Variants in LTBP1 observed in about 807,000 individuals in gnomAD.
LTBP1 encodes latent-transforming growth factor beta-binding protein 1.
In LTBP1, 129 loss-of-function variants were observed where a neutral mutation model predicts 207.6. That is an observed-to-expected ratio of 0.62 (90% CI 0.54 to 0.72). The LOEUF is 0.72. Ranked by LOEUF, LTBP1 falls within the 30% of genes least tolerant of loss-of-function variation. The pLI, the probability that LTBP1 is intolerant of heterozygous loss-of-function variation, is 0.00. For missense variants in LTBP1, 2,281 were observed against 2,217.2 expected (o/e 1.03, Z -0.58); for synonymous variants, 963 against 833.7 (o/e 1.16, Z -2.67).
At chr2:33,135,541 G>C (rs540930764) in intron 5 of LTBP1, among the ~76,000 whole-genome samples, 1 of 149,258 alleles carries the variant, frequency 6.7e-6, no homozygotes, top group South Asian at 2.2e-4. Flanking sequence ...GGGGAAGACA[G>C]ACTGGTAGAT....
At chr2:33,160,489 C>T (rs1439521962) in intron 5 of LTBP1, among the ~76,000 whole-genome samples, 2 of 152,158 alleles carry the variant, frequency 1.3e-5, no homozygotes, top group Admixed American at 6.5e-5. Context: ...GTTTGGTTTC[C>T]TCTGGCTAGC....
At chr2:33,038,975 T>G (rs1201524323) in intron 3 of LTBP1, among the ~76,000 whole-genome samples, 1 of 152,240 alleles carries the variant, frequency 6.6e-6, no homozygotes, top group African/African-American at 2.4e-5. Flanking sequence ...CGCTCAGGGC[T>G]CTGCCTCCAG....
At chr2:33,282,718 T>C (rs1372640721) in intron 19 of LTBP1, among the ~76,000 whole-genome samples, 1 of 152,222 alleles carries the variant, frequency 6.6e-6, no homozygotes, top group African/African-American at 2.4e-5. Context: ...ATTTAACAAA[T>C]ACTGAGTGTC....
rs1015657669 is a variant in LTBP1 at position 33,032,340 on chromosome 2, C to G, written c.863+11134C>G. Among the ~76,000 whole-genome samples the G allele has an allele frequency of 3.9e-5, 6 of 152,264 alleles. No homozygotes were observed. The East Asian group carries it at 7.7e-4, about 20-fold the overall frequency. On this transcript the variant is annotated intron_variant, in intron 3 of 33. Transcript: ENST00000404816. Reference sequence around the variant, plus strand: ...ATAATCAAGGTCTTTTTTCCTGTTTCAAATGTTCAAGAGTTTTCTACCTTT... The same window carrying G: ...ATAATCAAGGTCTTTTTTCCTGTTTGAAATGTTCAAGAGTTTTCTACCTTT...
intron 12 of LTBP1, 34 bp from the exon 13 acceptor site, chr2:33,259,554 T>C (rs1257158627): frequency 5.3e-6 from 8 of 1,515,132 alleles, no homozygotes; most frequent in African/African-American, 2.8e-5. Context: ...TTGTCTTAAA[T>C]GGTACTAATA....
chr2:32,952,424 A>G (rs940259334), intron 2 of LTBP1, among the ~76,000 whole-genome samples: 1 of 152,220 alleles, frequency 6.6e-6, no homozygotes, highest in Non-Finnish European at 1.5e-5. Flanking sequence ...ATCCCTAGGA[A>G]TCGAAATTAT....
Position 32,952,796 on chromosome 2 carries a change from A to G in LTBP1, c.565+3851A>G, listed in dbSNP as rs550627765. Among the ~76,000 whole-genome samples the G allele has an allele frequency of 5.3e-5, 8 of 152,324 alleles. No homozygotes were observed. The South Asian group carries it at 1.0e-3, about 20-fold the overall frequency. On this transcript the variant is annotated intron_variant, in intron 2 of 33. Coordinates refer to ENST00000404816, the MANE Select transcript of LTBP1 (RefSeq NM_206943.4). ...AGAAGACTGGACACGGGAATAGGCAATACAAAAGAATGAAAGAGAGGAGAG... is the reference window on the plus strand; with the variant it reads ...AGAAGACTGGACACGGGAATAGGCAGTACAAAAGAATGAAAGAGAGGAGAG...
chr2:32,974,047 T>A (rs1034289896), intron 2 of LTBP1, among the ~76,000 whole-genome samples: 7 of 152,252 alleles, frequency 4.6e-5, no homozygotes, highest in Non-Finnish European at 8.8e-5. Flanking sequence ...TTGTAAATAG[T>A]GCTGCTTCAA....
At chr2:33,043,684 G>A (rs932821619) in intron 3 of LTBP1, among the ~76,000 whole-genome samples, 2 of 152,134 alleles carry the variant, frequency 1.3e-5, no homozygotes, top group Non-Finnish European at 2.9e-5. Context: ...AAGGAATTTG[G>A]CTGAGCATGT....
chr2:33,232,380 A>C (rs762329346), intron 9 of LTBP1, among the ~76,000 whole-genome samples: 3 of 152,212 alleles, frequency 2.0e-5, no homozygotes, highest in Non-Finnish European at 4.4e-5. Context: ...TTGTCGATGG[A>C]ACACTGAAAG....
chr2:33,352,108 C>T (rs1310302021), intron 26 of LTBP1, among the ~76,000 whole-genome samples: 2 of 151,946 alleles, frequency 1.3e-5, no homozygotes, highest in Non-Finnish European at 2.9e-5. Context: ...TCACCATTTC[C>T]TCTCCTTGTG....
intron 2 of LTBP1, among the ~76,000 whole-genome samples, chr2:33,012,206 G>A (rs1687765288): frequency 6.7e-6 from 1 of 148,622 alleles, no homozygotes; most frequent in African/African-American, 2.4e-5. Context: ...TTGTCACTCA[G>A]TATTTTGTTG....
At position 33,030,891 on chromosome 2, in the gene LTBP1, G is replaced by A. The variant is rs964342765; in HGVS notation, c.863+9685G>A. Among the ~76,000 whole-genome samples the A allele has an allele frequency of 9.2e-5, 14 of 152,116 alleles. No homozygotes were observed. In the East Asian group the frequency reaches 2.1e-3, roughly 23 times the overall value. Reference sequence around the variant, plus strand: ...TTTGTGTTTCTTAGTTTTTTTTAGTGAGGTTGAACATTTTCCACATTTTTA... The same window carrying A: ...TTTGTGTTTCTTAGTTTTTTTTAGTAAGGTTGAACATTTTCCACATTTTTA... On this transcript the variant is annotated intron_variant, in intron 3 of 33. Transcript: ENST00000404816.
intron 31 of LTBP1, among the ~76,000 whole-genome samples, chr2:33,387,736 G>GGT (rs1553318985): frequency 2.0e-5 from 3 of 147,856 alleles, no homozygotes; most frequent in African/African-American, 7.5e-5. Context: ...CCTTGGTGGG[G>GGT]TTTTTTTTTT....
At chr2:32,975,621 T>TTTTTTTTTTTTTTTTTTTTTTTTG (rs1558461916) in intron 2 of LTBP1, among the ~76,000 whole-genome samples, 1 of 87,070 alleles carries the variant, frequency 1.1e-5, no homozygotes, top group African/African-American at 4.1e-5. Flanking sequence ...TTTTTTTTTT[T>TTTTTTTTTTTTTTTTTTTTTTTTG]GTCTGACTGG....
At chr2:33,298,208 T>C (rs1439188315) in intron 20 of LTBP1, among the ~76,000 whole-genome samples, 1 of 152,260 alleles carries the variant, frequency 6.6e-6, no homozygotes, top group Non-Finnish European at 1.5e-5. Flanking sequence ...AATTAATCTA[T>C]CTTTGTTCCC....
At chr2:33,088,374 C>T in intron 3 of LTBP1, among the ~76,000 whole-genome samples, 1 of 152,078 alleles carries the variant, frequency 6.6e-6, no homozygotes, top group East Asian at 1.9e-4. Flanking sequence ...ATCACTTGAA[C>T]CCGGGAGGCG....
Position 33,273,714 on chromosome 2 carries a change from A to C in LTBP1, c.2676A>C (p.Leu892=). ...GTGGAGCAGGACACTGCATTAACCT[A>C]CCAGTGAGATATACCTGTATATGCT... ...DICGAGHCIN[L]PVRYTCICYE... The change falls in exon 16 of 34, where the codon CTA becomes CTC. Residue 892 remains leucine (L), a synonymous_variant. Coordinates refer to ENST00000404816, the MANE Select transcript of LTBP1 (RefSeq NM_206943.4). The C allele has an allele frequency of 6.2e-7, 1 of 1,611,108 alleles. No homozygotes were observed. Among genetic ancestry groups the C allele is most frequent in the Non-Finnish European group, 8.5e-7 (1 of 1,177,694 alleles).
At position 33,021,046 on chromosome 2, in the gene LTBP1, A is replaced by C; in HGVS notation, c.703A>C (p.Ser235Arg). ...CTCGTCACCAGTCTTTGGAGGGCAG[A>C]GTCCTGGGGCTGCTTCCTCGTGGGG... is the stretch of plus-strand genomic sequence containing the variant. ...DTSSPVFGGQ[S>R]PGAASSWGPP... Residue 235 changes from serine (S) to arginine (R), a missense_variant, in exon 3 of 34, where the codon AGT becomes CGT. Coordinates refer to ENST00000404816, the MANE Select transcript of LTBP1 (RefSeq NM_206943.4). The C allele has an allele frequency of 6.2e-7, 1 of 1,614,144 alleles. No homozygotes were observed. The highest frequency in any genetic ancestry group is 8.5e-7 in the Non-Finnish European group (1 of 1,180,012).
Sources: allele counts gnomAD v4.1 joint callset (sites outside exome capture counted in the v4.1 genomes callset), GRCh38; gene constraint gnomAD v4.1.1; transcripts MANE v1.5; gene names NCBI Gene and HGNC (gene_info 2026-07-23, HGNC 2026-07-21).